SETBP1: variants seen among roughly 807,000 people sequenced by gnomAD.
SETBP1 encodes the protein SET binding protein 1.
Under a neutral mutation model 101.0 loss-of-function variants are expected in SETBP1, and 9 were observed. That is an observed-to-expected ratio of 0.09 (90% confidence interval 0.05 to 0.16). The LOEUF (loss-of-function observed/expected upper bound fraction) is 0.16, where lower values mean the gene tolerates loss of function less well. SETBP1 is among the 10% of genes least tolerant of loss of function. The pLI, the probability that SETBP1 is intolerant of heterozygous loss-of-function variation, is 1.00. For synonymous variants in SETBP1, 818 were observed against 788.5 expected (o/e 1.04, Z -0.63); for missense variants, 1,858 against 2,033.8 (o/e 0.91, Z 1.66).
At chr18:44,852,727 G>C (rs1192689404) in intron 2 of SETBP1, among the ~76,000 whole-genome samples, 1 of 152,150 alleles carries the variant, frequency 6.6e-6, no homozygotes, top group African/African-American at 2.4e-5. Flanking sequence ...GGGTGCCTTT[G>C]ATACCCATTC....
chr18:45,016,766 C>CACAG (rs1491511115), intron 4 of SETBP1, among the ~76,000 whole-genome samples: 2 of 134,674 alleles, frequency 1.5e-5, no homozygotes, highest in Admixed American at 7.7e-5. Flanking sequence ...CACACACACA[C>CACAG]AGAGAGCTCT....
chr18:45,044,471 C>T (rs1393369920), intron 5 of SETBP1, among the ~76,000 whole-genome samples: 1 of 152,326 alleles, frequency 6.6e-6, no homozygotes, highest in East Asian at 1.9e-4. Flanking sequence ...GGGTTGGAAG[C>T]TTCTGTGTTT....
At chr18:44,990,927 G>GAAAAAAAAAAAAAA (rs996043221) in intron 4 of SETBP1, among the ~76,000 whole-genome samples, 3 of 63,204 alleles carry the variant, frequency 4.7e-5, no homozygotes, top group East Asian at 4.5e-4. Context: ...CAGAGAGAGA[G>GAAAAAAAAAAAAAA]AAAAAAAAAA....
intron 2 of SETBP1, among the ~76,000 whole-genome samples, chr18:44,840,184 G>A (rs566840075): frequency 6.6e-6 from 1 of 152,284 alleles, no homozygotes; most frequent in Admixed American, 6.5e-5. Flanking sequence ...TCCTCCATTT[G>A]GCAAGGTCAA....
intron 2 of SETBP1, among the ~76,000 whole-genome samples, chr18:44,803,444 C>T (rs958029647): frequency 5.3e-5 from 8 of 152,126 alleles, no homozygotes; most frequent in Non-Finnish European, 8.8e-5. Flanking sequence ...CATCTGATAG[C>T]CAGGACAGAA....
chr18:44,820,037 C>T (rs943892994), intron 2 of SETBP1, among the ~76,000 whole-genome samples: 1 of 152,236 alleles, frequency 6.6e-6, no homozygotes, highest in Non-Finnish European at 1.5e-5. Flanking sequence ...CTAGGCTTGC[C>T]TGTCCTGGCA....
chr18:44,997,526 A>G (rs78835187), intron 4 of SETBP1, among the ~76,000 whole-genome samples: 2,378 of 152,330 alleles, frequency 0.016, 53 homozygotes, highest in African/African-American at 0.054. Context: ...AGGTCACTAT[A>G]CAATGGAGCA....
At chr18:44,902,604 C>T (rs531331990) in intron 3 of SETBP1, among the ~76,000 whole-genome samples, 3 of 151,990 alleles carry the variant, frequency 2.0e-5, no homozygotes, top group African/African-American at 7.2e-5. Context: ...TGAAAGAATA[C>T]CAGATTATTA....
At chr18:44,890,627 C>T (rs904122250) in intron 3 of SETBP1, among the ~76,000 whole-genome samples, 3 of 152,060 alleles carry the variant, frequency 2.0e-5, no homozygotes, top group African/African-American at 7.2e-5. Flanking sequence ...TCAGCCTACA[C>T]CTGGAAGAAG....
chr18:44,849,862 A>G (rs1440404642), intron 2 of SETBP1, among the ~76,000 whole-genome samples: 1 of 152,218 alleles, frequency 6.6e-6, no homozygotes, highest in African/African-American at 2.4e-5. Context: ...GCACATGTGA[A>G]CATTTATTAA....
chr18:44,700,488 TGTTGAA>T (rs1220180598), intron 1 of SETBP1, among the ~76,000 whole-genome samples: 2 of 152,206 alleles, frequency 1.3e-5, no homozygotes, highest in African/African-American at 4.8e-5. Flanking sequence ...TAGAAACATT[TGTTGAA>T]GTTGTTTTCC....
intron 3 of SETBP1, 37 bp from the exon 4 acceptor site, chr18:44,949,844 C>T: frequency 6.7e-7 from 1 of 1,494,502 alleles, no homozygotes; most frequent in African/African-American, 1.4e-5. Context: ...GTTTCTCTCT[C>T]TCTGTCTCTC....
At chr18:44,878,540 A>G (rs1426812968) in intron 3 of SETBP1, among the ~76,000 whole-genome samples, 1 of 152,110 alleles carries the variant, frequency 6.6e-6, no homozygotes, top group African/African-American at 2.4e-5. Flanking sequence ...TGCTTTATAT[A>G]TTTTTAGGTC....
intron 3 of SETBP1, among the ~76,000 whole-genome samples, chr18:44,891,164 T>G (rs2069760332): frequency 6.6e-6 from 1 of 152,092 alleles, no homozygotes; most frequent in Non-Finnish European, 1.5e-5. Flanking sequence ...CATCAGATCT[T>G]GTAAGACTTA....
intron 2 of SETBP1, among the ~76,000 whole-genome samples, chr18:44,755,136 A>C (rs1052440769): frequency 2.0e-5 from 3 of 152,258 alleles, no homozygotes; most frequent in Non-Finnish European, 2.9e-5. Flanking sequence ...TGGACAAAAC[A>C]GCTTTTCAGA....
chr18:44,861,231 T>C (rs2069002348), intron 2 of SETBP1, among the ~76,000 whole-genome samples: 1 of 37,104 alleles, frequency 2.7e-5, no homozygotes, highest in African/African-American at 2.2e-4. Flanking sequence ...TTTCTTTTCT[T>C]TTTTTTTTTT....
chr18:44,904,423 A>G (rs559151500), intron 3 of SETBP1, among the ~76,000 whole-genome samples: 1 of 152,286 alleles, frequency 6.6e-6, no homozygotes, highest in South Asian at 2.1e-4. Context: ...TGTAAGTATA[A>G]TGCAGTGGAT....
chr18:44,824,832 T>A (rs79791929), intron 2 of SETBP1, among the ~76,000 whole-genome samples: 1 of 152,070 alleles, frequency 6.6e-6, no homozygotes, highest in Non-Finnish European at 1.5e-5. Flanking sequence ...GGGAAGCAGA[T>A]GAAGAAAGGG....
At chr18:45,026,942 A>C (rs1458867923) in intron 4 of SETBP1, among the ~76,000 whole-genome samples, 1 of 152,174 alleles carries the variant, frequency 6.6e-6, no homozygotes, top group African/African-American at 2.4e-5. Flanking sequence ...TCCCTCCCCC[A>C]CCACCACTGA....
Sources: allele counts gnomAD v4.1 joint callset (sites outside exome capture counted in the v4.1 genomes callset), GRCh38; gene constraint gnomAD v4.1.1; transcripts MANE v1.5; gene names NCBI Gene and HGNC (gene_info 2026-07-23, HGNC 2026-07-21).